The following UBR4 variants were observed in gnomAD, a reference collection of about 807,000 sequenced individuals.
The protein encoded by UBR4 is ubiquitin protein ligase E3 component n-recognin 4.
Under a neutral mutation model 575.6 loss-of-function variants are expected in UBR4, and 124 were observed. The observed-to-expected ratio is 0.22, with a 90% CI of 0.19 to 0.25. The LOEUF is 0.25. Among genes scored for constraint, UBR4 ranks in the 10% least tolerant of loss-of-function variants. The pLI, the probability that UBR4 is intolerant of heterozygous loss-of-function variation, is 1.00. For missense variants in UBR4, 4,818 were observed against 6,478.8 expected (o/e 0.74, Z 8.80); for synonymous variants, 2,455 against 2,473.7 (o/e 0.99, Z 0.22).
At chr1:19,209,488 A>C (rs2093196829) in intron 1 of UBR4, among the ~76,000 whole-genome samples, 1 of 152,248 alleles carries the variant, frequency 6.6e-6, no homozygotes, top group Non-Finnish European at 1.5e-5. Context: ...AAGAGAACAC[A>C]CACACCACAC....
At chr1:19,170,667 A>C in intron 26 of UBR4, 95 bp downstream of exon 26, 3 of 1,534,538 alleles carry the variant, frequency 2.0e-6, no homozygotes, top group Non-Finnish European at 2.7e-6. Context: ...TCCAATAAAT[A>C]GTAAACGCCA....
At chr1:19,082,792 A>T (rs932566973) in intron 102 of UBR4, among the ~76,000 whole-genome samples, 3 of 152,206 alleles carry the variant, frequency 2.0e-5, no homozygotes, top group African/African-American at 7.2e-5. Flanking sequence ...CCAGCCCTGT[A>T]GGGAATCTGA....
Position 19,093,871 on chromosome 1 carries a change from T to C in UBR4, c.13937+78A>G, listed in dbSNP as rs931842299. ...AAAAATCTAATAGGTATTCAGAGGA[T>C]TCTTCCTCATCTCACAGACCTAGTT... On this transcript the variant is annotated intron_variant, in intron 95 of 105. Coordinates refer to ENST00000375254, the MANE Select transcript of UBR4 (RefSeq NM_020765.3). The surrounding 1 kb of genome is among the most constrained non-coding windows in gnomAD (Gnocchi z 4.8). The C allele has an allele frequency of 1.4e-5, 20 of 1,481,158 alleles. No homozygotes were observed. The Admixed American group carries it at 3.5e-4, about 26-fold the overall frequency. 91.8% of individuals were successfully genotyped at this position (1,481,158 alleles called of 1,614,324 possible).
At chr1:19,166,714 CAAAAAAAAAAAAAA>C (rs535369262) in intron 29 of UBR4, among the ~76,000 whole-genome samples, 2 of 73,708 alleles carry the variant, frequency 2.7e-5, no homozygotes, top group African/African-American at 1.3e-4. Context: ...CCATCTCTAC[CAAAAAAAAAAAAAA>C]AAAAAAAAAA....
At chr1:19,132,605 T>TAAAAAAAAAAAAAAAAAAAAAAAAAA in intron 60 of UBR4, among the ~76,000 whole-genome samples, 3 of 24,132 alleles carry the variant, frequency 1.2e-4, no homozygotes, top group East Asian at 1.2e-3. Context: ...TAAAAAATGG[T>TAAAAAAAAAAAAAAAAAAAAAAAAAA]AAAAAAAAAA....
intron 38 of UBR4, 84 bp downstream of exon 38, chr1:19,160,833 G>T: frequency 7.7e-7 from 1 of 1,292,986 alleles, no homozygotes. Context: ...GTTGCAAGGG[G>T]AGCCATGTGC....
In UBR4 at chr1:19,162,632, C is replaced by G. The variant is rs1245820353; in HGVS notation, c.4765-21G>C. On this transcript the variant is annotated intron_variant, in intron 34 of 105. Transcript: ENST00000375254. ...ACATGCTGTAAGAGAAGCCCCACAGCAACTTCAGATTCTCCATGTTTCATT... is the reference window on the plus strand; with the variant it reads ...ACATGCTGTAAGAGAAGCCCCACAGGAACTTCAGATTCTCCATGTTTCATT... 4 of 1,593,918 alleles carry G rather than the reference C, an allele frequency of 2.5e-6. No homozygotes were observed. The East Asian group carries it at 6.8e-5, about 27-fold the overall frequency.
At chr1:19,162,309 A>C in intron 35 of UBR4, 111 bp downstream of exon 35, 1 of 1,325,732 alleles carries the variant, frequency 7.5e-7, no homozygotes, top group Non-Finnish European at 1.0e-6. Context: ...AGCAACAAGG[A>C]CTAGGAAGTT....
At chr1:19,097,419 A>G (rs1423537833) in intron 90 of UBR4, 139 bp from the exon 91 acceptor site, 1 of 581,826 alleles carries the variant, frequency 1.7e-6, no homozygotes, top group Non-Finnish European at 2.9e-6. Flanking sequence ...CAACATCTAG[A>G]ATCCAAATGC....
At position 19,078,000 on chromosome 1, in the gene UBR4, G is replaced by A. The variant is rs748265730; in HGVS notation, c.15300C>T (p.Val5100=). Reference sequence around the variant, plus strand: ...CCTTAAACATGTTGTAAATGAGATCGACGAGGGCCCAAAAGAGAAGGGAAG... The same window carrying A: ...CCTTAAACATGTTGTAAATGAGATCAACGAGGGCCCAAAAGAGAAGGGAAG... ...YRSSLLFWAL[V]DLIYNMFKKV... The change falls in exon 104 of 106, where the codon GTC becomes GTT. Residue 5100 remains valine (V), a synonymous_variant. Transcript: ENST00000375254. 2.5e-5 allele frequency: 40 copies of A among 1,613,946 alleles called. No individual in the cohort carries two copies. Among genetic ancestry groups the A allele is most frequent in the Middle Eastern group, 1.7e-4 (1 of 6,060 alleles).
intron 56 of UBR4, 49 bp downstream of exon 56, chr1:19,141,598 G>A (rs549522144): frequency 1.9e-6 from 3 of 1,608,086 alleles, no homozygotes; most frequent in African/African-American, 1.3e-5. Flanking sequence ...AAGAGCTAGA[G>A]GAGAGTTGTG....
intron 64 of UBR4, 138 bp downstream of exon 64, chr1:19,126,308 G>C: frequency 1.0e-6 from 1 of 977,380 alleles, no homozygotes; most frequent in South Asian, 1.5e-5. Flanking sequence ...ATCACGCCGA[G>C]ATTAACCCCC....
At position 19,199,688 on chromosome 1, in the gene UBR4, C is replaced by T. The variant is rs1325471345; in HGVS notation, c.341G>A (p.Arg114His). The T allele has an allele frequency of 1.9e-6, 3 of 1,614,124 alleles. No homozygotes were observed. The highest frequency in any genetic ancestry group is 2.5e-6 in the Non-Finnish European group (3 of 1,180,004). Residue 114 changes from arginine (R) to histidine (H), a missense_variant, in exon 3 of 106, where the codon CGT (arginine) becomes CAT (histidine). This residue lies in a region of UBR4 where 85 missense variants were observed against 134.2 expected (regional missense o/e 0.63). Transcript: ENST00000375254. ...CKVLIEFSLL[R>H]LENPDEACAV... is the part of the protein sequence containing the mutation. ...ACAAGCCTCATCTGGATTCTCCAGA[C>T]GCAGGAGAGAAAACTCAATTAGAAC...
At chr1:19,121,513 C>A in intron 67 of UBR4, 79 bp from the exon 68 acceptor site, 1 of 1,526,292 alleles carries the variant, frequency 6.6e-7, no homozygotes, top group Non-Finnish European at 8.8e-7. Context: ...CGTCTCCCTA[C>A]AGCTGAGACT....
chr1:19,120,264 A>G lies in UBR4; in HGVS notation c.10226T>C (p.Ile3409Thr). 2.5e-6 allele frequency: 4 copies of G among 1,614,156 alleles called. No individual in the cohort carries two copies. Among genetic ancestry groups the G allele is most frequent in the Non-Finnish European group, 2.5e-6 (3 of 1,180,010 alleles). ...TAACAGGAAACAACGCAGGAACTGGATCAGGGTTTCCTTATCGGCAAATTT... is the reference window on the plus strand; with the variant it reads ...TAACAGGAAACAACGCAGGAACTGGGTCAGGGTTTCCTTATCGGCAAATTT... The part of the protein sequence containing the change: ...LNKFADKETL[I>T]QFLRCFLLES... The change falls in exon 69 of 106, where the codon ATC becomes ACC. Residue 3409 changes from isoleucine (I) to threonine (T), a missense_variant. Ile to Thr is a moderately conservative substitution (Grantham distance 89). Transcript: ENST00000375254.
intron 58 of UBR4, among the ~76,000 whole-genome samples, chr1:19,140,078 C>T (rs1433822222): frequency 2.0e-5 from 3 of 152,080 alleles, no homozygotes; most frequent in Non-Finnish European, 4.4e-5. Flanking sequence ...CTTAACTACC[C>T]AGGCTAAAAC....
chr1:19,106,667 C>T lies in UBR4; in HGVS notation c.12295G>A (p.Glu4099Lys). Residue 4099 changes from glutamate (E) to lysine (K), a missense_variant, in exon 83 of 106, where the codon GAG (glutamate) becomes AAG (lysine). Around this residue, in one of 29 missense-constraint regions of UBR4, gnomAD observed 178 missense variants for 175.5 expected, o/e 1.01. Transcript: ENST00000375254. ...KSELRHLYLT[E>K]KYVWRWKQFL... ...TGTTTCCACCTCCACACATACTTCT[C>T]AGTCAAATAGAGATGGCGGAGCTCT... 1 of 1,610,594 alleles carries T rather than the reference C, an allele frequency of 6.2e-7. No individual in the cohort carries two copies. Among genetic ancestry groups the T allele is most frequent in the Non-Finnish European group, 8.5e-7 (1 of 1,178,236 alleles).
At chr1:19,209,866 G>T (rs890762080) in intron 1 of UBR4, among the ~76,000 whole-genome samples, 2 of 152,220 alleles carry the variant, frequency 1.3e-5, no homozygotes, top group Non-Finnish European at 2.9e-5. Context: ...TTGCTCGAGA[G>T]GGGAAACTGA....
At chr1:19,177,063 C>T (rs1251207832) in intron 19 of UBR4, among the ~76,000 whole-genome samples, 2 of 152,148 alleles carry the variant, frequency 1.3e-5, no homozygotes, top group Non-Finnish European at 2.9e-5. Context: ...TGAACGGATC[C>T]TCCTATCCTT....
Sources: allele counts gnomAD v4.1 joint callset (sites outside exome capture counted in the v4.1 genomes callset), GRCh38; gene constraint gnomAD v4.1.1; regional missense constraint gnomAD v4.1.1; non-coding constraint Gnocchi (gnomAD v3.1); transcripts MANE v1.5; gene names NCBI Gene and HGNC (gene_info 2026-07-23, HGNC 2026-07-21).